The following PGPEP1 variants were observed in gnomAD, a reference collection of about 807,000 sequenced individuals.
PGPEP1 encodes the protein pyroglutamyl-peptidase 1.
Under a neutral mutation model 24.1 loss-of-function variants are expected in PGPEP1, and 15 were observed. The ratio of observed to expected loss-of-function variants is 0.62; its 90% CI spans 0.42 to 0.96. The LOEUF (loss-of-function observed/expected upper bound fraction) is 0.96, where lower values mean the gene tolerates loss of function less well. Ranked by LOEUF, PGPEP1 falls within the 40% of genes least tolerant of loss-of-function variation. PGPEP1 has a pLI of 0.00. For missense variants in PGPEP1, 242 were observed against 273.4 expected (o/e 0.89, Z 0.81); for synonymous variants, 122 against 116.4 (o/e 1.05, Z -0.31).
chr19:18,362,726 C>CA (rs71166506), intron 4 of PGPEP1, among the ~76,000 whole-genome samples: 29,303 of 85,630 alleles, frequency 0.34, 4,991 homozygotes, highest in Non-Finnish European at 0.41. Context: ...GACTCTGTCT[C>CA]AAAAAAAAAA....
chr19:18,359,721 C>T (rs910194390), intron 4 of PGPEP1, among the ~76,000 whole-genome samples: 1 of 152,058 alleles, frequency 6.6e-6, no homozygotes, highest in African/African-American at 2.4e-5. Flanking sequence ...TTGGCCACAC[C>T]AGGGTGGTCT....
rs1971170216 is a variant in PGPEP1 at position 18,355,938 on chromosome 19, T to C, written c.131T>C (p.Val44Ala). ...CTTGGCGACAGCGTGGACCTGCATG[T>C]GTACGAGATTCCGGTTGAGTACCAA... is the stretch of plus-strand genomic sequence containing the variant. ...LGLGDSVDLH[V>A]YEIPVEYQTV... Residue 44 changes from valine to alanine, a missense_variant, in exon 3 of 5, where the codon GTG (valine) becomes GCG (alanine). Transcript: ENST00000269919. 6.2e-7 allele frequency: 1 copy of C among 1,613,586 alleles called. No individual in the cohort carries two copies.
chr19:18,341,258 C>T (rs1042498584), intron 1 of PGPEP1, among the ~76,000 whole-genome samples: 1 of 152,210 alleles, frequency 6.6e-6, no homozygotes, highest in South Asian at 2.1e-4. Flanking sequence ...GGACCTCGGG[C>T]TCTCCCAGCT....
chr19:18,347,542 C>T (rs1970887182), intron 2 of PGPEP1, among the ~76,000 whole-genome samples: 1 of 151,604 alleles, frequency 6.6e-6, no homozygotes, highest in Non-Finnish European at 1.5e-5. Flanking sequence ...GTCTCTGTCT[C>T]CTTGTTTCTT....
chr19:18,357,408 G>C lies in PGPEP1; in HGVS notation c.230G>C (p.Gly77Ala), dbSNP rs151009416. ...PQLVVHVGVS[G>A]MATTVTLEKC... ...CTGGTGGTGCATGTGGGGGTGTCAG[G>C]CATGGCGACCACAGTCACACTGGAG... Residue 77 changes from glycine (G) to alanine (A), a missense_variant, in exon 4 of 5, where the codon GGC becomes GCC. Coordinates refer to ENST00000269919, the MANE Select transcript of PGPEP1 (RefSeq NM_017712.4). The C allele has an allele frequency of 1.4e-5, 22 of 1,613,688 alleles. No individual in the cohort carries two copies. Among genetic ancestry groups the C allele is most frequent in the Non-Finnish European group, 1.9e-5 (22 of 1,179,898 alleles).
chr19:18,350,693 C>A (rs116427792), intron 2 of PGPEP1, among the ~76,000 whole-genome samples: 1 of 152,200 alleles, frequency 6.6e-6, no homozygotes, highest in African/African-American at 2.4e-5. Flanking sequence ...GAAAAGGATG[C>A]GCTGAGATCT....
At position 18,364,085 on chromosome 19, in the gene PGPEP1, T is replaced by TTTCTTTCTTTCTTTCTTTCTTTCTTTC. The variant is rs1971438960; in HGVS notation, c.*505_*531dup. On this transcript the variant is annotated 3_prime_UTR_variant, in exon 5 of 5. Transcript: ENST00000269919. Reference sequence around the variant, plus strand: ...CCTGGGATATGGCTGGCTGGCTGGCTTTCTTTCTTTCTTTCTTTCTTTCTT... The same window carrying TTTCTTTCTTTCTTTCTTTCTTTCTTTC: ...CCTGGGATATGGCTGGCTGGCTGGCTTTCTTTCTTTCTTTCTTTCTTTCTTTCTTCTTTCTTTCTTTCTTTCTTTCTT... 1 of 91,208 alleles carries TTTCTTTCTTTCTTTCTTTCTTTCTTTC rather than the reference T, an allele frequency of 1.1e-5. No homozygotes were observed. The highest frequency in any genetic ancestry group is 2.5e-5 in the Non-Finnish European group (1 of 39,950). 5.6% of individuals were successfully genotyped at this position (91,208 alleles called of 1,614,324 possible). A position where few individuals can be genotyped will look rare whatever the true frequency, so the allele number is the denominator to read the frequency against.
At chr19:18,347,655 A>G (rs1324374076) in intron 2 of PGPEP1, among the ~76,000 whole-genome samples, 2 of 133,778 alleles carry the variant, frequency 1.5e-5, no homozygotes, top group African/African-American at 5.8e-5. Context: ...TTTTTTTGAG[A>G]CAGGGTCTCA....
chr19:18,359,013 C>A (rs972012997), intron 4 of PGPEP1, among the ~76,000 whole-genome samples: 1 of 151,984 alleles, frequency 6.6e-6, no homozygotes, highest in Non-Finnish European at 1.5e-5. Context: ...CAGGGCCAGG[C>A]GCAGTGGCTC....
chr19:18,361,400 A>G (rs933383404), intron 4 of PGPEP1, among the ~76,000 whole-genome samples: 1 of 152,078 alleles, frequency 6.6e-6, no homozygotes, highest in African/African-American at 2.4e-5. Flanking sequence ...TGGCCTTACA[A>G]AGTGCTGGGA....
chr19:18,362,466 C>T (rs754404358), intron 4 of PGPEP1, among the ~76,000 whole-genome samples: 1 of 151,922 alleles, frequency 6.6e-6, no homozygotes, highest in Non-Finnish European at 1.5e-5. Flanking sequence ...TGGCTCACAC[C>T]TGTAATCCCA....
In PGPEP1 at chr19:18,342,829, G is replaced by A. The variant is rs760599021; in HGVS notation, c.35-30G>A. 33 of 1,592,542 alleles carry A rather than the reference G, an allele frequency of 2.1e-5. No homozygotes were observed. The South Asian group carries it at 3.5e-4, about 17-fold the overall frequency. ...GGCAGACTGGGAAGGGCCACTCTTGGGTAATATATTGCTTTTCCTGTTTTT... is the reference window on the plus strand; with the variant it reads ...GGCAGACTGGGAAGGGCCACTCTTGAGTAATATATTGCTTTTCCTGTTTTT... On this transcript the variant is annotated intron_variant, in intron 1 of 4. Transcript: ENST00000269919.
chr19:18,340,928 C>T (rs1266658557), intron 1 of PGPEP1, among the ~76,000 whole-genome samples: 1 of 152,026 alleles, frequency 6.6e-6, no homozygotes, highest in Non-Finnish European at 1.5e-5. Flanking sequence ...GGCAGTCGGG[C>T]GCGGGGCTTG....
At chr19:18,357,340 C>T in intron 3 of PGPEP1, 43 bp from the exon 4 acceptor site, 1 of 1,510,098 alleles carries the variant, frequency 6.6e-7, no homozygotes, top group African/African-American at 1.4e-5. Flanking sequence ...CCTCTGAGTC[C>T]CACGGGCAGG....
intron 2 of PGPEP1, among the ~76,000 whole-genome samples, chr19:18,350,647 G>A (rs1309883648): frequency 6.6e-6 from 1 of 152,234 alleles, no homozygotes; most frequent in African/African-American, 2.4e-5. Flanking sequence ...TAAATCCATA[G>A]CGACCAGTTT....
In PGPEP1 at chr19:18,363,547, G is replaced by A. The variant is rs775893048; in HGVS notation, c.594G>A (p.Gln198=). Residue 198 remains glutamine (Q), a synonymous_variant, in exon 5 of 5, where the codon CAG becomes CAA. Coordinates refer to ENST00000269919, the MANE Select transcript of PGPEP1 (RefSeq NM_017712.4). ...AGGAGATGTTGGACCTCCTGGAGCA[G>A]TCAGAGGGCAAAATCAACTATTGCC... ...IIEEMLDLLE[Q]SEGKINYCHK... 6.2e-7 allele frequency: 1 copy of A among 1,614,000 alleles called. No homozygotes were observed. Among genetic ancestry groups the A allele is most frequent in the Non-Finnish European group, 8.5e-7 (1 of 1,179,964 alleles).
At chr19:18,344,724 A>G (rs1970784595) in intron 2 of PGPEP1, among the ~76,000 whole-genome samples, 1 of 152,040 alleles carries the variant, frequency 6.6e-6, no homozygotes, top group South Asian at 2.1e-4. Context: ...AAGAAACAGC[A>G]TGTTTCTGAA....
intron 1 of PGPEP1, among the ~76,000 whole-genome samples, chr19:18,341,338 G>A (rs1970665987): frequency 6.6e-6 from 1 of 152,114 alleles, no homozygotes; most frequent in Non-Finnish European, 1.5e-5. Context: ...GTGAGTCAGG[G>A]CCCCTGCTGT....
Position 18,364,083 on chromosome 19 carries a change from G to GCTGGCTTGCTTTCTTT in PGPEP1, c.*502_*503insGGCTTGCTTTCTTTCT, listed in dbSNP as rs1555713521. The stretch of plus-strand genomic sequence containing the variant: ...ACCCTGGGATATGGCTGGCTGGCTG[G>GCTGGCTTGCTTTCTTT]CTTTCTTTCTTTCTTTCTTTCTTTC... On this transcript the variant is annotated 3_prime_UTR_variant, in exon 5 of 5. Coordinates refer to ENST00000269919, the MANE Select transcript of PGPEP1 (RefSeq NM_017712.4). 1.2e-5 allele frequency: 1 copy of GCTGGCTTGCTTTCTTT among 86,644 alleles called. No individual in the cohort carries two copies. Among genetic ancestry groups the GCTGGCTTGCTTTCTTT allele is most frequent in the African/African-American group, 3.7e-5 (1 of 26,692 alleles). The allele number at this position is 86,644 out of a possible 1,614,324, so 5.4% of individuals were successfully genotyped here. A position where few individuals can be genotyped will look rare whatever the true frequency, so the allele number is the denominator to read the frequency against.
Sources: allele counts gnomAD v4.1 joint callset (sites outside exome capture counted in the v4.1 genomes callset), GRCh38; gene constraint gnomAD v4.1.1; transcripts MANE v1.5; gene names NCBI Gene and HGNC (gene_info 2026-07-23, HGNC 2026-07-21).